GPLD1: variants seen among roughly 807,000 people sequenced by gnomAD.
GPLD1 encodes the protein phosphatidylinositol-glycan-specific phospholipase D.
A neutral mutation model predicts 112.6 loss-of-function variants in GPLD1; 84 were observed. The ratio of observed to expected loss-of-function variants is 0.75; its 90% confidence interval spans 0.63 to 0.89. GPLD1 has a LOEUF of 0.89. Ranked by LOEUF, GPLD1 falls within the 40% of genes least tolerant of loss-of-function variation. The probability of loss-of-function intolerance (pLI) is 0.00; values close to 1 mark genes in which losing one functional copy is unlikely to be tolerated. For missense variants in GPLD1, 1,044 were observed against 1,051.5 expected, an observed-to-expected ratio of 0.99 and a Z score of 0.10; for synonymous variants, 386 against 403.8, an observed-to-expected ratio of 0.96 and a Z score of 0.53.
At chr6:24,484,298 A>G (rs1034069196) in intron 2 of GPLD1, among the ~76,000 whole-genome samples, 4 of 143,214 alleles carry the variant, frequency 2.8e-5, no homozygotes, top group African/African-American at 1.1e-4. Flanking sequence ...TTCAGCCTCT[A>G]CCTCCCGGGT....
downstream of GPLD1, chr6:24,425,219 G>A (rs41271779): frequency 0.12 from 18,753 of 152,190 alleles, 1,271 homozygotes; most frequent in Admixed American, 0.16. Flanking sequence ...ATTTTGGGTC[G>A]TATCACTGTA....
chr6:24,479,595 T>C (rs963769016), intron 3 of GPLD1, among the ~76,000 whole-genome samples: 1 of 152,168 alleles, frequency 6.6e-6, no homozygotes, highest in African/African-American at 2.4e-5. Flanking sequence ...TTTTGATCTC[T>C]TGCAAAATGT....
intron 8 of GPLD1, 40 bp downstream of exon 8, chr6:24,467,127 A>G (rs762105829): frequency 7.9e-7 from 1 of 1,272,574 alleles, no homozygotes; most frequent in Non-Finnish European, 1.2e-6. Context: ...AGGAAGTCAC[A>G]ACAAAATCAG....
chr6:24,429,145 T>C lies in GPLD1; in HGVS notation c.2437-27A>G, dbSNP rs771932305. 25 of 1,458,780 alleles carry C rather than the reference T, an allele frequency of 1.7e-5. 1 individual carries two copies. In the East Asian group the frequency reaches 5.4e-4, roughly 32 times the overall value. The allele number at this position is 1,458,780 out of a possible 1,614,324, so 90.4% of individuals were successfully genotyped here. A position where few individuals can be genotyped will look rare whatever the true frequency, so the allele number is the denominator to read the frequency against. ...TGTAAGGGACACAAGACAGAATTCA[T>C]GGCTCATTCATAACATCTATTGAGT... On this transcript the variant is annotated intron_variant, in intron 24 of 24. Transcript: ENST00000230036.
At chr6:24,445,701 C>G in intron 19 of GPLD1, 25 bp downstream of exon 19, 2 of 1,598,640 alleles carry the variant, frequency 1.3e-6, no homozygotes, top group South Asian at 2.2e-5. Context: ...TGTCCACTCT[C>G]CTGTGTGGGG....
At chr6:24,454,616 G>A (rs748847124) in intron 13 of GPLD1, among the ~76,000 whole-genome samples, 8 of 152,108 alleles carry the variant, frequency 5.3e-5, no homozygotes, top group African/African-American at 1.2e-4. Flanking sequence ...GATCAAAGAC[G>A]AGCTTGTGTG....
intron 24 of GPLD1, among the ~76,000 whole-genome samples, chr6:24,432,357 G>A (rs79390733): frequency 0.11 from 17,114 of 151,932 alleles, 1,294 homozygotes; most frequent in East Asian, 0.16. Context: ...CAGCACTTTG[G>A]AAGGCAGAGG....
At chr6:24,478,627 T>G (rs1334577506) in intron 3 of GPLD1, among the ~76,000 whole-genome samples, 1 of 152,130 alleles carries the variant, frequency 6.6e-6, no homozygotes, top group Non-Finnish European at 1.5e-5. Flanking sequence ...TAAAGAGAAC[T>G]GACAGATCAG....
rs1313953081 is a variant in GPLD1 at position 24,446,961 on chromosome 6, G to C, written c.1697C>G (p.Ala566Gly). 6 of 1,613,148 alleles carry C rather than the reference G, an allele frequency of 3.7e-6. No homozygotes were observed. The highest frequency in any genetic ancestry group is 5.1e-6 in the Non-Finnish European group (6 of 1,179,584). Residue 566 changes from alanine (A) to glycine (G), a missense_variant, in exon 18 of 25, where the codon GCA (alanine) becomes GGA (glycine). Physicochemically the swap from Ala to Gly is moderately conservative, Grantham distance 60. Coordinates refer to ENST00000230036, the MANE Select transcript of GPLD1 (RefSeq NM_001503.4). ...LSDKEKLNVE[A>G]ANWTVRGEED... is the part of the protein sequence containing the mutation. ...CTCGCCTCTCACCGTCCAGTTGGCTGCCTCCACGTTCAGTTTTTCTAAAGA... is the reference window on the plus strand; with the variant it reads ...CTCGCCTCTCACCGTCCAGTTGGCTCCCTCCACGTTCAGTTTTTCTAAAGA...
Position 24,436,712 on chromosome 6 carries a change from A to AG in GPLD1, c.2221dup (p.Leu741ProfsTer22), listed in dbSNP as rs749977099. 49 of 1,613,770 alleles carry AG rather than the reference A, an allele frequency of 3.0e-5. No individual in the cohort carries two copies. The highest frequency in any genetic ancestry group is 4.5e-5 in the East Asian group (2 of 44,896). On this transcript the variant is annotated frameshift_variant, in exon 22 of 25. Coordinates refer to ENST00000230036, the MANE Select transcript of GPLD1 (RefSeq NM_001503.4). LOFTEE classifies it high-confidence loss of function. ...TCCAGAGGTTACATCTGCTATCCTC[A>AG]GGGGGGCTGCCATGATGATTTCATC... is the stretch of plus-strand genomic sequence containing the variant.
chr6:24,473,833 A>C (rs914985585), intron 5 of GPLD1, among the ~76,000 whole-genome samples, 166 bp from the exon 6 acceptor site: 2 of 152,156 alleles, frequency 1.3e-5, no homozygotes, highest in African/African-American at 2.4e-5. Flanking sequence ...AAAAATAATA[A>C]TAATAAAAAG....
Position 24,462,695 on chromosome 6 carries a change from T to G in GPLD1, c.887+35A>C, listed in dbSNP as rs577849625. ...TAGGGCATCTCCTCCAGGTGAGATGTACTTTTTCTATGAACAATTTTGGAA... is the reference window on the plus strand; with the variant it reads ...TAGGGCATCTCCTCCAGGTGAGATGGACTTTTTCTATGAACAATTTTGGAA... On this transcript the variant is annotated intron_variant, in intron 11 of 24. Coordinates refer to ENST00000230036, the MANE Select transcript of GPLD1 (RefSeq NM_001503.4). 12 of 1,419,368 alleles carry G rather than the reference T, an allele frequency of 8.5e-6. No individual in the cohort carries two copies. The African/African-American group carries it at 1.7e-4, about 20-fold the overall frequency. 87.9% of individuals were successfully genotyped at this position (1,419,368 alleles called of 1,614,324 possible).
chr6:24,492,648 C>G (rs1764588171), upstream of GPLD1, among the ~76,000 whole-genome samples: 1 of 152,054 alleles, frequency 6.6e-6, no homozygotes. Flanking sequence ...TCCCTCTCAC[C>G]TGATGGTCTT....
At chr6:24,495,075 CGCGCCG>C (rs1308920310) in exon 1 of GPLD1, 1 of 1,323,572 alleles carries the variant, frequency 7.6e-7, no homozygotes, top group Non-Finnish European at 9.6e-7. Flanking sequence ...CCTCCGCCCC[CGCGCCG>C]GCGGCCTGGT....
chr6:24,439,841 C>A (rs1326303486), intron 20 of GPLD1, among the ~76,000 whole-genome samples: 1 of 152,190 alleles, frequency 6.6e-6, no homozygotes, highest in African/African-American at 2.4e-5. Flanking sequence ...AATGCTTATA[C>A]CTTCTAGTTA....
At chr6:24,467,026 CT>C in intron 8 of GPLD1, 87 bp from the exon 9 acceptor site, 3 of 1,246,432 alleles carry the variant, frequency 2.4e-6, no homozygotes, top group South Asian at 1.2e-5. Flanking sequence ...TCCATCCACC[CT>C]TTTCCACCGT....
rs1062499 is a variant in GPLD1 at position 24,456,548 on chromosome 6, G to T, written c.1098C>A (p.Ser366=). 4 of 1,610,028 alleles carry T rather than the reference G, an allele frequency of 2.5e-6. No individual in the cohort carries two copies. The South Asian group carries it at 3.3e-5, about 13-fold the overall frequency. ...ACAAGAAGTAAGATGCTAAGGGGCT[G>T]GAGACGTGCTTTTGTGACAACTGAG... The part of the protein sequence containing the change: ...GGSQLSQKHV[S]SPLASYFLSF... Residue 366 remains serine, a synonymous_variant, in exon 13 of 25, where the codon TCC becomes TCA. Coordinates refer to ENST00000230036, the MANE Select transcript of GPLD1 (RefSeq NM_001503.4).
Position 24,448,159 on chromosome 6 carries a change from G to T in GPLD1, c.1496C>A (p.Ser499Tyr). The T allele has an allele frequency of 6.2e-7, 1 of 1,611,282 alleles. No homozygotes were observed. ...CTGGCAAGAAATGGTGATGTTAGGGGAAGAAGACATTCCTCCTTGTTTGGA... is the reference window on the plus strand; with the variant it reads ...CTGGCAAGAAATGGTGATGTTAGGGTAAGAAGACATTCCTCCTTGTTTGGA... ...FGSKQGGMSS[S>Y]PNITISCQDI... is the part of the protein sequence containing the mutation. The change falls in exon 16 of 25, where the codon TCC becomes TAC. Residue 499 changes from serine to tyrosine, a missense_variant. Coordinates refer to ENST00000230036, the MANE Select transcript of GPLD1 (RefSeq NM_001503.4).
At position 24,446,940 on chromosome 6, in the gene GPLD1, CCT is replaced by C. The variant is rs1561835854; in HGVS notation, c.1716_1717del (p.Gly573ArgfsTer44). On this transcript the variant is annotated frameshift_variant, in exon 18 of 25. Transcript: ENST00000230036. LOFTEE classifies it high-confidence loss of function. ...TCCAAACCAGGAGAAGTCTTCCTCG[CCT>C]CTCACCGTCCAGTTGGCTGCCTCCA... 6.2e-7 allele frequency: 1 copy of C among 1,613,812 alleles called. No homozygotes were observed. Among genetic ancestry groups the C allele is most frequent in the Admixed American group, 1.7e-5 (1 of 59,996 alleles).
Sources: allele counts gnomAD v4.1 joint callset (sites outside exome capture counted in the v4.1 genomes callset), GRCh38; gene constraint gnomAD v4.1.1; transcripts MANE v1.5; gene names NCBI Gene and HGNC (gene_info 2026-07-23, HGNC 2026-07-21).